Variants in MYO1D observed in about 807,000 individuals in gnomAD.
The protein encoded by MYO1D is myosin ID, also known as unconventional myosin-Id.
A neutral mutation model predicts 122.0 loss-of-function variants in MYO1D; 83 were observed. The observed-to-expected ratio is 0.68, with a 90% confidence interval of 0.57 to 0.82. The LOEUF is 0.82. Ranked by LOEUF, MYO1D falls within the 40% of genes least tolerant of loss-of-function variation. The probability of loss-of-function intolerance (pLI) is 0.00; values close to 1 mark genes in which losing one functional copy is unlikely to be tolerated. For synonymous variants in MYO1D, 464 were observed against 446.9 expected, an observed-to-expected ratio of 1.04 and a Z score of -0.48; for missense variants, 1,157 against 1,269.5, an observed-to-expected ratio of 0.91 and a Z score of 1.35.
At chr17:32,738,171 G>T in intron 14 of MYO1D, 82 bp downstream of exon 14, 2 of 1,236,126 alleles carry the variant, frequency 1.6e-6, no homozygotes, top group South Asian at 2.0e-5. Context: ...TACCTAAAAA[G>T]CAAATCATAC....
At chr17:32,529,535 G>A (rs1910446923) in intron 21 of MYO1D, 1 of 152,758 alleles carries the variant, frequency 6.5e-6, no homozygotes, top group Admixed American at 6.5e-5. Flanking sequence ...GTGTGTGTGT[G>A]TGTCTCTAAT....
intron 16 of MYO1D, among the ~76,000 whole-genome samples, chr17:32,660,385 C>T (rs554160420): frequency 5.3e-5 from 8 of 152,332 alleles, no homozygotes; most frequent in African/African-American, 1.9e-4. Flanking sequence ...CAGACTCCCT[C>T]AGGTTTCTTT....
chr17:32,796,124 T>C (rs992215500), intron 1 of MYO1D, among the ~76,000 whole-genome samples: 6 of 152,216 alleles, frequency 3.9e-5, no homozygotes, highest in African/African-American at 4.8e-5. Flanking sequence ...ATAAACATAA[T>C]TTATCCAACA....
intron 1 of MYO1D, among the ~76,000 whole-genome samples, chr17:32,844,105 AATTT>A (rs1182249490): frequency 3.3e-5 from 5 of 150,522 alleles, no homozygotes; most frequent in Admixed American, 6.6e-5. Flanking sequence ...CTCACCAGTA[AATTT>A]ATTAAATATT....
At chr17:32,825,918 C>T (rs2090717879) in intron 1 of MYO1D, among the ~76,000 whole-genome samples, 2 of 151,846 alleles carry the variant, frequency 1.3e-5, no homozygotes, top group Admixed American at 1.3e-4. Flanking sequence ...GGTGCTCTGG[C>T]ACACGCTTGT....
At chr17:32,585,979 G>C (rs1290233272) in intron 21 of MYO1D, among the ~76,000 whole-genome samples, 1 of 152,106 alleles carries the variant, frequency 6.6e-6, no homozygotes, top group East Asian at 1.9e-4. Context: ...AAGAAAAGGA[G>C]GCTTGGAATA....
chr17:32,581,342 T>C (rs1047546478), intron 21 of MYO1D, among the ~76,000 whole-genome samples: 5 of 152,246 alleles, frequency 3.3e-5, no homozygotes, highest in African/African-American at 9.6e-5. Flanking sequence ...TCATCAGTCC[T>C]ACTAGATGTG....
At chr17:32,868,257 T>C (rs1223392659) in intron 1 of MYO1D, among the ~76,000 whole-genome samples, 1 of 152,096 alleles carries the variant, frequency 6.6e-6, no homozygotes, top group African/African-American at 2.4e-5. Context: ...GCCACCACCA[T>C]AGGTATTTGA....
intron 1 of MYO1D, among the ~76,000 whole-genome samples, chr17:32,817,398 A>G (rs1397055374): frequency 6.6e-6 from 1 of 152,184 alleles, no homozygotes; most frequent in Admixed American, 6.5e-5. Context: ...ACAAGAACAT[A>G]TTTGTACCTC....
chr17:32,754,923 C>T (rs2089932166), intron 11 of MYO1D, among the ~76,000 whole-genome samples: 1 of 150,192 alleles, frequency 6.7e-6, no homozygotes, highest in African/African-American at 2.4e-5. Context: ...GATATGTGAT[C>T]TGTTTATCAC....
At chr17:32,604,690 A>T (rs116852837) in intron 21 of MYO1D, among the ~76,000 whole-genome samples, 2 of 152,360 alleles carry the variant, frequency 1.3e-5, no homozygotes, top group Non-Finnish European at 2.9e-5. Flanking sequence ...CTTGCAAACC[A>T]TCCCAAATCT....
At chr17:32,876,626 A>T (rs910281024) in intron 1 of MYO1D, 152 bp downstream of exon 1, 2 of 549,420 alleles carry the variant, frequency 3.6e-6, no homozygotes, top group Admixed American at 8.9e-5. Context: ...GCAGCCGCGG[A>T]GCTTGGCAGA....
At chr17:32,659,451 T>G in intron 16 of MYO1D, 113 bp from the exon 17 acceptor site, 1 of 1,070,788 alleles carries the variant, frequency 9.3e-7, no homozygotes, top group East Asian at 2.4e-5. Context: ...CTTGCAAGTG[T>G]GCACAAAAAT....
intron 19 of MYO1D, among the ~76,000 whole-genome samples, chr17:32,652,863 T>C (rs1449581650): frequency 6.6e-6 from 1 of 152,106 alleles, no homozygotes; most frequent in Non-Finnish European, 1.5e-5. Flanking sequence ...AGGTATAGGC[T>C]GGGCGCGGTG....
chr17:32,833,988 T>G (rs1481864920), intron 1 of MYO1D, among the ~76,000 whole-genome samples: 1 of 152,142 alleles, frequency 6.6e-6, no homozygotes, highest in Non-Finnish European at 1.5e-5. Context: ...ACTTTGCTTC[T>G]TTATCATTAT....
intron 1 of MYO1D, among the ~76,000 whole-genome samples, chr17:32,796,454 T>C (rs1299301371): frequency 6.6e-6 from 1 of 152,216 alleles, no homozygotes; most frequent in Admixed American, 6.5e-5. Context: ...CAGTGTTGTC[T>C]GGACTGCAGA....
At chr17:32,657,596 G>A (rs530362581) in intron 17 of MYO1D, among the ~76,000 whole-genome samples, 1 of 152,380 alleles carries the variant, frequency 6.6e-6, no homozygotes, top group Non-Finnish European at 1.5e-5. Flanking sequence ...ACGCACGTGT[G>A]CGTATACAGA....
intron 7 of MYO1D, 30 bp downstream of exon 7, chr17:32,767,606 C>T: frequency 7.1e-7 from 1 of 1,411,426 alleles, no homozygotes; most frequent in South Asian, 1.2e-5. Flanking sequence ...CAGCAGAAGA[C>T]AATACATTCT....
chr17:32,695,545 T>C (rs998212935), intron 16 of MYO1D, among the ~76,000 whole-genome samples: 3 of 152,222 alleles, frequency 2.0e-5, no homozygotes, highest in Admixed American at 1.3e-4. Flanking sequence ...ACTTCTCTCT[T>C]AAACTTCCAG....
Sources: gnomAD v4.1 joint callset for allele counts (sites outside exome capture counted in the v4.1 genomes callset) on GRCh38, gnomAD v4.1.1 for gene constraint, MANE v1.5 for transcripts, NCBI Gene and HGNC (gene_info 2026-07-23, HGNC 2026-07-21) for gene names.